The following MYO1F variants were observed in gnomAD, a reference collection of about 807,000 sequenced individuals.
MYO1F encodes myosin IF.
In MYO1F, 60 loss-of-function variants were observed where a neutral mutation model predicts 146.6. The ratio of observed to expected loss-of-function variants is 0.41; its 90% CI spans 0.33 to 0.51. The LOEUF is 0.51. MYO1F is among the 20% of genes least tolerant of loss of function. The pLI is 0.25. For synonymous variants in MYO1F, 602 were observed against 602.1 expected, an observed-to-expected ratio of 1.00 and a Z score of 0.00; for missense variants, 1,274 against 1,534.3, an observed-to-expected ratio of 0.83 and a Z score of 2.83.
At position 8,577,265 on chromosome 19, in the gene MYO1F, C is replaced by T. The variant is rs561173234; in HGVS notation, c.3+42G>A. ...AGGACACCTCCACCTGGCTGGTGTC[C>T]CTCCTCTTTCTTCTTCCAGATCCCA... On this transcript the variant is annotated intron_variant, in intron 1 of 27. Coordinates refer to ENST00000644032, the MANE Select transcript of MYO1F (RefSeq NM_012335.4). This position sits in a 1 kb window ranked among gnomAD's most constrained non-coding sequence, Gnocchi z 4.3. 8.2e-5 allele frequency: 132 copies of T among 1,611,754 alleles called. No individual in the cohort carries two copies. The South Asian group carries it at 1.4e-3, about 17-fold the overall frequency.
At chr19:8,553,105 A>C (rs769989000) in intron 6 of MYO1F, 34 bp downstream of exon 6, 7 of 1,590,848 alleles carry the variant, frequency 4.4e-6, no homozygotes, top group Non-Finnish European at 6.0e-6. Context: ...GCACGGAGGG[A>C]GCAGCTGCTC....
At chr19:8,574,543 C>T (rs1386005418) in intron 1 of MYO1F, among the ~76,000 whole-genome samples, 1 of 69,982 alleles carries the variant, frequency 1.4e-5, no homozygotes, top group Non-Finnish European at 2.9e-5. Flanking sequence ...TTCTTTCTTT[C>T]TTTCTTTCTT....
At chr19:8,548,807 C>A (rs958674964) in intron 10 of MYO1F, among the ~76,000 whole-genome samples, 2 of 148,582 alleles carry the variant, frequency 1.3e-5, no homozygotes, top group Admixed American at 6.8e-5. Flanking sequence ...TCACTGTGGT[C>A]TCGATCTCCT....
intron 2 of MYO1F, among the ~76,000 whole-genome samples, chr19:8,555,027 T>C (rs967097429): frequency 6.6e-6 from 1 of 151,554 alleles, no homozygotes; most frequent in Non-Finnish European, 1.5e-5. Context: ...CCACTAATAA[T>C]ACAAAAAATT....
In MYO1F at chr19:8,537,061, G is replaced by A. The variant is rs370539206; in HGVS notation, c.1693-6C>T. On this transcript the variant is annotated splice_polypyrimidine_tract_variant and splice_region_variant and intron_variant, in intron 16 of 27. Transcript: ENST00000644032. ...ACCAGGTCGTTGGCTTGTTTCTGAG[G>A]CAGAAGTGAAGACGGGTGGGTGGGG... is the stretch of plus-strand genomic sequence containing the variant. 42 of 1,605,626 alleles carry A rather than the reference G, an allele frequency of 2.6e-5. No individual in the cohort carries two copies. The highest frequency in any genetic ancestry group is 3.3e-5 in the Non-Finnish European group (39 of 1,174,834).
chr19:8,556,887 CAAA>C (rs534645939), intron 1 of MYO1F, among the ~76,000 whole-genome samples: 3 of 69,154 alleles, frequency 4.3e-5, no homozygotes, highest in African/African-American at 6.6e-5. Flanking sequence ...AACTCTGTCT[CAAA>C]AAAAAAAAAA....
chr19:8,523,153 T>A (rs535896563), intron 25 of MYO1F, among the ~76,000 whole-genome samples: 160 of 151,702 alleles, frequency 1.1e-3, no homozygotes, highest in African/African-American at 3.7e-3. Context: ...TGCCTCAGCC[T>A]CCCGAGTAGC....
At position 8,560,343 on chromosome 19, in the gene MYO1F, G is replaced by A. The variant is rs192246615; in HGVS notation, c.4-4547C>T. Among the ~76,000 whole-genome samples the A allele has an allele frequency of 5.9e-3, 898 of 151,846 alleles. 6 individuals carry two copies. Among genetic ancestry groups the A allele is most frequent in the Non-Finnish European group, 8.4e-3 (568 of 67,936 alleles). ...ACTAAAAATACAAAAAAAGTAGCCGGGTGTGGGGGTGCGCGCCTGTAATCC... is the reference window on the plus strand; with the variant it reads ...ACTAAAAATACAAAAAAAGTAGCCGAGTGTGGGGGTGCGCGCCTGTAATCC... On this transcript the variant is annotated intron_variant, in intron 1 of 27. Transcript: ENST00000644032.
At chr19:8,554,799 C>G in intron 2 of MYO1F, 56 bp from the exon 3 acceptor site, 1 of 1,488,916 alleles carries the variant, frequency 6.7e-7, no homozygotes, top group Non-Finnish European at 9.4e-7. Context: ...CTCCCTGTCC[C>G]CTCATCCTGC....
intron 1 of MYO1F, among the ~76,000 whole-genome samples, chr19:8,574,595 C>CTCTTTCTTTCTTTCTT (rs58145523): frequency 9.4e-6 from 1 of 105,878 alleles, no homozygotes; most frequent in Non-Finnish European, 1.9e-5. Context: ...CTCTCTCTCT[C>CTCTTTCTTTCTTTCTT]TCTTTCTTTC....
intron 15 of MYO1F, among the ~76,000 whole-genome samples, chr19:8,541,397 T>C (rs115749861): frequency 0.022 from 3,248 of 148,782 alleles, 78 homozygotes; most frequent in African/African-American, 0.056. Context: ...TCTAATGCTA[T>C]GTTCTTTGTG....
At chr19:8,565,203 A>G (rs2041981137) in intron 1 of MYO1F, among the ~76,000 whole-genome samples, 2 of 151,662 alleles carry the variant, frequency 1.3e-5, no homozygotes, top group South Asian at 4.2e-4. Flanking sequence ...GGCTCATTTC[A>G]TTTTCAAGAT....
At chr19:8,564,616 C>T (rs12460069) in intron 1 of MYO1F, among the ~76,000 whole-genome samples, 15,266 of 151,666 alleles carry the variant, frequency 0.1, 896 homozygotes, top group Non-Finnish European at 0.13. Flanking sequence ...CCCTGAAGAG[C>T]GTCTGAGCTC....
Position 8,530,659 on chromosome 19 carries a change from TCA to T in MYO1F, c.2044-88_2044-87del. On this transcript the variant is annotated intron_variant, in intron 19 of 27. Coordinates refer to ENST00000644032, the MANE Select transcript of MYO1F (RefSeq NM_012335.4). This position sits in a 1 kb window ranked among gnomAD's most constrained non-coding sequence, Gnocchi z 5.8. ...CGGGTTTTCCCTGCGCTCACCCTACTCACACGCTTTTGCTCACCCATCCCCAC... is the reference window on the plus strand; with the variant it reads ...CGGGTTTTCCCTGCGCTCACCCTACTCACGCTTTTGCTCACCCATCCCCAC... 2 of 1,085,438 alleles carry T rather than the reference TCA, an allele frequency of 1.8e-6. No individual in the cohort carries two copies. The highest frequency in any genetic ancestry group is 2.8e-6 in the Non-Finnish European group (2 of 714,416). The allele number at this position is 1,085,438 out of a possible 1,614,324, so 67.2% of individuals were successfully genotyped here.
Position 8,526,887 on chromosome 19 carries a change from G to A in MYO1F, c.2523C>T (p.Ser841=). 1 of 1,614,066 alleles carries A rather than the reference G, an allele frequency of 6.2e-7. No homozygotes were observed. Among genetic ancestry groups the A allele is most frequent in the Non-Finnish European group, 8.5e-7 (1 of 1,180,010 alleles). ...FFILQEDAAD[S]FLESVFKTEF... ...CGGTCTTGAAGACGCTCTCCAGGAAGCTGTCGGCGGCATCCTCTTGGAGGA... is the reference window on the plus strand; with the variant it reads ...CGGTCTTGAAGACGCTCTCCAGGAAACTGTCGGCGGCATCCTCTTGGAGGA... The change falls in exon 23 of 28, where the codon AGC becomes AGT. Residue 841 remains serine (S), a synonymous_variant. Coordinates refer to ENST00000644032, the MANE Select transcript of MYO1F (RefSeq NM_012335.4).
At position 8,527,350 on chromosome 19, in the gene MYO1F, C is replaced by A; in HGVS notation, c.2462G>T (p.Gly821Val). 6.2e-7 allele frequency: 1 copy of A among 1,614,056 alleles called. No individual in the cohort carries two copies. The highest frequency in any genetic ancestry group is 8.5e-7 in the Non-Finnish European group (1 of 1,180,008). Reference sequence around the variant, plus strand: ...GACCTGGCTTCACCTGAGGGAGACTCCCCGCAGAGCCTGGATGTCCACTTT... The same window carrying A: ...GACCTGGCTTCACCTGAGGGAGACTACCCGCAGAGCCTGGATGTCCACTTT... ...KKKVDIQALR[G>V]VSLSTRQDDF... is the part of the protein sequence containing the mutation. Residue 821 changes from glycine (G) to valine (V), a missense_variant, in exon 22 of 28, where the codon GGA becomes GTA. Transcript: ENST00000644032.
intron 1 of MYO1F, among the ~76,000 whole-genome samples, chr19:8,570,592 C>T (rs2042090491): frequency 6.6e-6 from 1 of 151,970 alleles, no homozygotes; most frequent in Admixed American, 6.6e-5. Context: ...GTCTTGAACT[C>T]CTGACCCCAA....
chr19:8,524,372 G>A (rs574491269), intron 25 of MYO1F, among the ~76,000 whole-genome samples: 8 of 135,464 alleles, frequency 5.9e-5, no homozygotes, highest in South Asian at 2.4e-4. Context: ...CGCTGAGACC[G>A]CACCATTGCA....
chr19:8,533,799 G>C (rs1972592173), intron 19 of MYO1F, among the ~76,000 whole-genome samples: 4 of 152,186 alleles, frequency 2.6e-5, no homozygotes. Context: ...AGCTGTCCCA[G>C]CAGACTATTA....
Sources: allele counts gnomAD v4.1 joint callset (sites outside exome capture counted in the v4.1 genomes callset), GRCh38; gene constraint gnomAD v4.1.1; non-coding constraint Gnocchi (gnomAD v3.1); transcripts MANE v1.5; gene names NCBI Gene and HGNC (gene_info 2026-07-23, HGNC 2026-07-21).